ADGRB3: variants seen among roughly 807,000 people sequenced by gnomAD.
ADGRB3 encodes the protein brain-specific angiogenesis inhibitor 3.
A neutral mutation model predicts 193.4 loss-of-function variants in ADGRB3; 37 were observed. That is an observed-to-expected ratio of 0.19 (90% CI 0.15 to 0.25). ADGRB3 has a LOEUF of 0.25. Among genes scored for constraint, ADGRB3 ranks in the 10% least tolerant of loss-of-function variants. The pLI is 1.00. For missense variants in ADGRB3, 1,637 were observed against 1,852.9 expected (o/e 0.88, Z 2.14); for synonymous variants, 690 against 644.2 (o/e 1.07, Z -1.08).
At chr6:68,715,652 G>C (rs1339102850) in intron 3 of ADGRB3, among the ~76,000 whole-genome samples, 1 of 151,742 alleles carries the variant, frequency 6.6e-6, no homozygotes, top group Non-Finnish European at 1.5e-5. Context: ...TTTAGTAAAT[G>C]TATGGGCAAT....
chr6:69,132,469 G>T (rs912744378), intron 17 of ADGRB3, among the ~76,000 whole-genome samples: 1 of 152,074 alleles, frequency 6.6e-6, no homozygotes, highest in Non-Finnish European at 1.5e-5. Context: ...TTTTGATGAG[G>T]TTGTTTGTTT....
At chr6:68,715,371 G>C (rs1488853043) in intron 3 of ADGRB3, among the ~76,000 whole-genome samples, 1 of 151,572 alleles carries the variant, frequency 6.6e-6, no homozygotes, top group Non-Finnish European at 1.5e-5. Context: ...CAAATACCAA[G>C]TATCTGTGAT....
intron 3 of ADGRB3, among the ~76,000 whole-genome samples, chr6:68,880,641 A>AGTCATTTAT (rs1765707807): frequency 1.3e-5 from 2 of 152,184 alleles, no homozygotes; most frequent in Non-Finnish European, 2.9e-5. Flanking sequence ...GTACTTTATA[A>AGTCATTTAT]GGAAGTCATT....
chr6:69,081,940 A>T lies in ADGRB3; in HGVS notation c.2480+5902A>T, dbSNP rs143997063. On this transcript the variant is annotated intron_variant, in intron 17 of 31. Transcript: ENST00000370598. Reference sequence around the variant, plus strand: ...GGTCTAACATTAGGAATCAAATGGCATCATGTATTTTTCATTGTAATTCTC... The same window carrying T: ...GGTCTAACATTAGGAATCAAATGGCTTCATGTATTTTTCATTGTAATTCTC... 1.1e-3 allele frequency among the ~76,000 whole-genome samples: 173 copies of T among 152,222 alleles called. 2 individuals carry two copies. In the East Asian group the frequency reaches 0.03, roughly 26 times the overall value.
chr6:68,964,487 G>C (rs1028858246), intron 8 of ADGRB3, among the ~76,000 whole-genome samples: 1 of 152,134 alleles, frequency 6.6e-6, no homozygotes, highest in Admixed American at 6.6e-5. Flanking sequence ...ATGACCTAGA[G>C]AAGGCTAAGA....
intron 30 of ADGRB3, among the ~76,000 whole-genome samples, chr6:69,374,251 C>T (rs1464510081): frequency 2.6e-5 from 4 of 152,010 alleles, no homozygotes; most frequent in South Asian, 2.1e-4. Flanking sequence ...GCAGATATTT[C>T]GTGGATTGAG....
intron 28 of ADGRB3, among the ~76,000 whole-genome samples, chr6:69,359,101 AC>A (rs1769392073): frequency 6.6e-6 from 1 of 151,716 alleles, no homozygotes; most frequent in Non-Finnish European, 1.5e-5. Context: ...AAAAGATTAA[AC>A]TTATCTATAT....
chr6:68,987,037 T>C (rs892384362), intron 10 of ADGRB3, among the ~76,000 whole-genome samples: 26 of 152,144 alleles, frequency 1.7e-4, no homozygotes, highest in Non-Finnish European at 3.4e-4. Context: ...GACTCATTTT[T>C]CCCCCTTTCA....
At chr6:68,850,122 A>G (rs1254853445) in intron 3 of ADGRB3, among the ~76,000 whole-genome samples, 2 of 151,846 alleles carry the variant, frequency 1.3e-5, no homozygotes, top group Non-Finnish European at 2.9e-5. Context: ...CTGTAACCTC[A>G]GGTCCCATAG....
chr6:68,635,474 G>C lies in ADGRB3; in HGVS notation c.-714G>C, dbSNP rs568162138. 1 of 152,254 alleles carries C rather than the reference G, an allele frequency of 6.6e-6. No homozygotes were observed. The highest frequency in any genetic ancestry group is 2.4e-5 in the African/African-American group (1 of 41,470). 9.4% of individuals were successfully genotyped at this position (152,254 alleles called of 1,614,324 possible). A position where few individuals can be genotyped will look rare whatever the true frequency, so the allele number is the denominator to read the frequency against. On this transcript the variant is annotated 5_prime_UTR_variant, in exon 1 of 32. Transcript: ENST00000370598. ...GGAGGAGGGAGGAAAGCGGAAAGAG[G>C]AAAAAGCATAAGCTTGAGCCTTCCG...
At chr6:68,879,512 G>A (rs1765679998) in intron 3 of ADGRB3, among the ~76,000 whole-genome samples, 2 of 152,110 alleles carry the variant, frequency 1.3e-5, no homozygotes, top group African/African-American at 4.8e-5. Flanking sequence ...ACAGGCGTGA[G>A]CCACCGCGCC....
At chr6:68,979,752 C>A (rs1408978240) in intron 10 of ADGRB3, among the ~76,000 whole-genome samples, 1 of 151,384 alleles carries the variant, frequency 6.6e-6, no homozygotes, top group Non-Finnish European at 1.5e-5. Flanking sequence ...GAGAACATGA[C>A]TAAATATTGT....
intron 17 of ADGRB3, among the ~76,000 whole-genome samples, chr6:69,151,023 C>G (rs1454487878): frequency 6.6e-6 from 1 of 152,160 alleles, no homozygotes; most frequent in African/African-American, 2.4e-5. Context: ...TCTTCTGAAG[C>G]TGAAGGAAGA....
intron 3 of ADGRB3, among the ~76,000 whole-genome samples, chr6:68,699,371 T>C (rs748781655): frequency 5.3e-5 from 8 of 152,094 alleles, no homozygotes; most frequent in Admixed American, 1.3e-4. Context: ...ATTTCAAAGA[T>C]CTTTATAAAA....
chr6:68,885,837 G>A (rs1355048576), intron 3 of ADGRB3, among the ~76,000 whole-genome samples: 1 of 152,084 alleles, frequency 6.6e-6, no homozygotes, highest in African/African-American at 2.4e-5. Flanking sequence ...ACCTGACAAA[G>A]GGATTTGAAA....
chr6:69,335,607 T>G (rs1361442190), intron 24 of ADGRB3, among the ~76,000 whole-genome samples: 1 of 152,108 alleles, frequency 6.6e-6, no homozygotes, highest in South Asian at 2.1e-4. Flanking sequence ...TTTTGGAAGC[T>G]ATAGAGGTTT....
At chr6:69,353,617 T>G (rs1404831472) in intron 26 of ADGRB3, among the ~76,000 whole-genome samples, 2 of 152,230 alleles carry the variant, frequency 1.3e-5, no homozygotes, top group Non-Finnish European at 2.9e-5. Flanking sequence ...AACAGTGGAA[T>G]AAATCTGCCT....
intron 3 of ADGRB3, among the ~76,000 whole-genome samples, chr6:68,723,846 C>A (rs746498516): frequency 2.6e-5 from 4 of 151,522 alleles, no homozygotes; most frequent in Non-Finnish European, 4.4e-5. Context: ...TTGCCCCCAG[C>A]GGACATTTGT....
At chr6:68,742,948 A>G (rs1198918570) in intron 3 of ADGRB3, among the ~76,000 whole-genome samples, 1 of 151,696 alleles carries the variant, frequency 6.6e-6, no homozygotes, top group East Asian at 1.9e-4. Flanking sequence ...TTAAGCAACT[A>G]TTTTTTCACC....
Sources: gnomAD v4.1 joint callset for allele counts (sites outside exome capture counted in the v4.1 genomes callset) on GRCh38, gnomAD v4.1.1 for gene constraint, MANE v1.5 for transcripts, NCBI Gene and HGNC (gene_info 2026-07-23, HGNC 2026-07-21) for gene names.